Variants in MYLK observed in about 807,000 individuals in gnomAD.
MYLK encodes the protein myosin light chain kinase, smooth muscle.
Under a neutral mutation model 203.4 loss-of-function variants are expected in MYLK, and 106 were observed. The observed-to-expected ratio is 0.52, with a 90% CI of 0.45 to 0.61. The LOEUF (loss-of-function observed/expected upper bound fraction) is 0.61, where lower values mean the gene tolerates loss of function less well. Ranked by LOEUF, MYLK falls within the 20% of genes least tolerant of loss-of-function variation. The pLI is 0.00. For synonymous variants in MYLK, 867 were observed against 959.5 expected (o/e 0.90, Z 1.78); for missense variants, 2,072 against 2,442.3 (o/e 0.85, Z 3.20).
At chr3:123,674,491 T>C (rs1160096463) in intron 20 of MYLK, among the ~76,000 whole-genome samples, 1 of 152,252 alleles carries the variant, frequency 6.6e-6, no homozygotes, top group Non-Finnish European at 1.5e-5. Flanking sequence ...GTCCCTGGCT[T>C]TCATCCCCAA....
intron 5 of MYLK, among the ~76,000 whole-genome samples, chr3:123,742,532 A>G (rs769196298): frequency 2.6e-5 from 4 of 152,138 alleles, no homozygotes; most frequent in Non-Finnish European, 5.9e-5. Flanking sequence ...TTGCAAAAAA[A>G]GGGGCAGGGA....
chr3:123,680,162 T>C (rs866494593), intron 20 of MYLK, among the ~76,000 whole-genome samples: 1 of 152,180 alleles, frequency 6.6e-6, no homozygotes. Context: ...ACAGCTTGCA[T>C]GGGGTTTCCA....
intron 3 of MYLK, among the ~76,000 whole-genome samples, chr3:123,817,444 C>T (rs2109273494): frequency 6.6e-6 from 1 of 152,292 alleles, no homozygotes; most frequent in Admixed American, 6.5e-5. Flanking sequence ...CCAGGGTTCC[C>T]CTCTGGGCCT....
chr3:123,677,382 T>A (rs1484349185), intron 20 of MYLK, among the ~76,000 whole-genome samples: 1 of 152,180 alleles, frequency 6.6e-6, no homozygotes, highest in African/African-American at 2.4e-5. Context: ...AAGACCTTCG[T>A]CTCCTGCTCA....
chr3:123,838,299 T>C (rs1002176473), intron 2 of MYLK, among the ~76,000 whole-genome samples: 4 of 152,114 alleles, frequency 2.6e-5, no homozygotes, highest in African/African-American at 9.7e-5. Context: ...AATTCCATAC[T>C]CCTGAAAATA....
At chr3:123,630,726 C>G (rs2058380039) in intron 29 of MYLK, 1 of 152,250 alleles carries the variant, frequency 6.6e-6, no homozygotes, top group African/African-American at 2.4e-5. Context: ...GCTGGGTTCC[C>G]TCCACTGCCT....
chr3:123,813,910 A>C (rs2065650695), intron 3 of MYLK, among the ~76,000 whole-genome samples: 1 of 152,192 alleles, frequency 6.6e-6, no homozygotes. Context: ...GTGACCACAT[A>C]ACATATTATC....
rs1199089866 is a variant in MYLK, at chr3:123,682,208, C to G, written c.3652+16G>C. Reference sequence around the variant, plus strand: ...CTGCCTCTGCCTCTGCCTGGTGAAGCTGGGCGAGTACTCACTCTCAGTTCC... The same window carrying G: ...CTGCCTCTGCCTCTGCCTGGTGAAGGTGGGCGAGTACTCACTCTCAGTTCC... On this transcript the variant is annotated intron_variant, in intron 20 of 33. Transcript: ENST00000360304. The G allele has an allele frequency of 3.8e-6, 6 of 1,588,584 alleles. No individual in the cohort carries two copies. Among genetic ancestry groups the G allele is most frequent in the Non-Finnish European group, 2.6e-6 (3 of 1,166,102 alleles).
intron 5 of MYLK, among the ~76,000 whole-genome samples, chr3:123,751,779 A>T (rs1229402511): frequency 1.3e-5 from 2 of 152,066 alleles, no homozygotes; most frequent in African/African-American, 4.8e-5. Flanking sequence ...GAAGATGGAG[A>T]GTCATAGGGC....
Position 123,700,550 on chromosome 3 carries a change from G to A in MYLK, c.2918C>T (p.Pro973Leu), listed in dbSNP as rs760450984. The A allele has an allele frequency of 2.0e-5, 33 of 1,613,512 alleles. No individual in the cohort carries two copies. The East Asian group carries it at 5.1e-4, about 25-fold the overall frequency. The change falls in exon 18 of 34, where the codon CCG becomes CTG. Residue 973 changes from proline to leucine, a missense_variant. Pro to Leu is a moderately conservative substitution (Grantham distance 98, BLOSUM62 -3). Around this residue, in one of 3 missense-constraint regions of MYLK, gnomAD observed 865 missense variants for 1,016.0 expected, o/e 0.85. Transcript: ENST00000360304. Reference sequence around the variant, plus strand: ...AAAATCCGGGGTGGCAGGTTTTGGCGGTGGCACCTTCTCAGGCACGGGGGT... The same window carrying A: ...AAAATCCGGGGTGGCAGGTTTTGGCAGTGGCACCTTCTCAGGCACGGGGGT... The part of the protein sequence containing the change: ...SKTPVPEKVP[P>L]PKPATPDFRS...
At chr3:123,739,644 T>G in intron 6 of MYLK, among the ~76,000 whole-genome samples, 1 of 152,236 alleles carries the variant, frequency 6.6e-6, no homozygotes, top group East Asian at 1.9e-4. Flanking sequence ...CAGCAGCTAC[T>G]GTTACCCGCC....
intron 3 of MYLK, among the ~76,000 whole-genome samples, chr3:123,829,682 A>T (rs561069078): frequency 6.6e-4 from 101 of 152,364 alleles, no homozygotes; most frequent in African/African-American, 2.3e-3. Context: ...TATTAATTAT[A>T]TCAAAACATC....
chr3:123,824,500 T>C (rs1046546835), intron 3 of MYLK, among the ~76,000 whole-genome samples: 1 of 152,212 alleles, frequency 6.6e-6, no homozygotes, highest in Non-Finnish European at 1.5e-5. Context: ...AGAGCACTTG[T>C]TAAATGAATG....
At chr3:123,868,862 T>C (rs1051675150) in intron 2 of MYLK, among the ~76,000 whole-genome samples, 2 of 152,228 alleles carry the variant, frequency 1.3e-5, no homozygotes, top group Non-Finnish European at 2.9e-5. Flanking sequence ...ACATGCCACG[T>C]TGAATAGCTG....
At chr3:123,778,750 C>G (rs187737788) in intron 4 of MYLK, among the ~76,000 whole-genome samples, 5 of 152,204 alleles carry the variant, frequency 3.3e-5, no homozygotes, top group Non-Finnish European at 7.3e-5. Flanking sequence ...TCTCTGGAGA[C>G]TAACAGCTGC....
chr3:123,803,342 G>T (rs183812663), intron 3 of MYLK, among the ~76,000 whole-genome samples: 195 of 152,276 alleles, frequency 1.3e-3, no homozygotes, highest in Middle Eastern at 6.8e-3. Context: ...TCTGTCAGAG[G>T]CTCAGAGAAT....
rs775062031 is a variant in MYLK at position 123,682,127 on chromosome 3, G to C, written c.3652+97C>G. 37 of 912,696 alleles carry C rather than the reference G, an allele frequency of 4.1e-5. No individual in the cohort carries two copies. The Admixed American group carries it at 6.6e-4, about 16-fold the overall frequency. The allele number at this position is 912,696 out of a possible 1,614,324, so 56.5% of individuals were successfully genotyped here. A position where few individuals can be genotyped will look rare whatever the true frequency, so the allele number is the denominator to read the frequency against. On this transcript the variant is annotated intron_variant, in intron 20 of 33. Coordinates refer to ENST00000360304, the MANE Select transcript of MYLK (RefSeq NM_053025.4). ...GACTTCCAGGGATTCAGGCAAGAGTGAGTGACCAGAAAGTGGGGGCTCTGA... is the reference window on the plus strand; with the variant it reads ...GACTTCCAGGGATTCAGGCAAGAGTCAGTGACCAGAAAGTGGGGGCTCTGA...
chr3:123,869,152 G>A (rs988959636), intron 2 of MYLK, among the ~76,000 whole-genome samples: 2 of 152,110 alleles, frequency 1.3e-5, no homozygotes, highest in African/African-American at 4.8e-5. Context: ...CTGCAGGAAA[G>A]CAGGGTCCTC....
At chr3:123,834,479 G>A (rs1236644949) in intron 2 of MYLK, among the ~76,000 whole-genome samples, 1 of 152,070 alleles carries the variant, frequency 6.6e-6, no homozygotes, top group African/African-American at 2.4e-5. Flanking sequence ...GGTTCTCAGT[G>A]GAAAGTTGAG....
Sources: gnomAD v4.1 joint callset for allele counts (sites outside exome capture counted in the v4.1 genomes callset) on GRCh38, gnomAD v4.1.1 for gene constraint, gnomAD v4.1.1 regional missense constraint, MANE v1.5 for transcripts, NCBI Gene and HGNC (gene_info 2026-07-23, HGNC 2026-07-21) for gene names.